Variants in THRB observed in about 807,000 individuals in gnomAD.
The protein encoded by THRB is thyroid hormone receptor beta.
A neutral mutation model predicts 47.8 loss-of-function variants in THRB; 12 were observed. That is an observed-to-expected ratio of 0.25 (90% confidence interval 0.16 to 0.41). The LOEUF (loss-of-function observed/expected upper bound fraction) is 0.41, where lower values mean the gene tolerates loss of function less well. Ranked by LOEUF, THRB falls within the 10% of genes least tolerant of loss-of-function variation. THRB has a pLI of 1.00. For missense variants in THRB, 348 were observed against 589.2 expected, an observed-to-expected ratio of 0.59 and a Z score of 4.24; for synonymous variants, 218 against 212.2, an observed-to-expected ratio of 1.03 and a Z score of -0.24.
intron 1 of THRB, among the ~76,000 whole-genome samples, chr3:24,437,111 T>TAC (rs2071043229): frequency 1.4e-5 from 2 of 147,100 alleles, no homozygotes. Context: ...TATATATATA[T>TAC]ACATACATAT....
intron 1 of THRB, among the ~76,000 whole-genome samples, chr3:24,347,040 C>T (rs1224462417): frequency 6.6e-6 from 1 of 151,884 alleles, no homozygotes; most frequent in Non-Finnish European, 1.5e-5. Context: ...AAAAATCAAA[C>T]ATAAGATGTT....
chr3:24,166,713 C>T (rs1367203347), intron 5 of THRB, among the ~76,000 whole-genome samples: 1 of 152,136 alleles, frequency 6.6e-6, no homozygotes, highest in Non-Finnish European at 1.5e-5. Context: ...GTTTTCAGGG[C>T]TCGGCCTCAG....
At chr3:24,182,482 T>G (rs375967324) in intron 5 of THRB, among the ~76,000 whole-genome samples, 13 of 152,314 alleles carry the variant, frequency 8.5e-5, no homozygotes, top group African/African-American at 3.1e-4. Flanking sequence ...CTGTTCTGCC[T>G]GCGTCCGTAA....
At chr3:24,286,697 G>A (rs1479892297) in intron 3 of THRB, among the ~76,000 whole-genome samples, 1 of 152,138 alleles carries the variant, frequency 6.6e-6, no homozygotes, top group African/African-American at 2.4e-5. Context: ...TCAAAGCCCA[G>A]TAACCATAGT....
chr3:24,317,631 C>CAAAAA (rs796777965), intron 2 of THRB, among the ~76,000 whole-genome samples: 3 of 152,010 alleles, frequency 2.0e-5, no homozygotes, highest in Non-Finnish European at 4.4e-5. Context: ...CAACACAACA[C>CAAAAA]AACAAAACAA....
At chr3:24,206,968 A>C (rs1372056691) in intron 4 of THRB, among the ~76,000 whole-genome samples, 1 of 152,192 alleles carries the variant, frequency 6.6e-6, no homozygotes, top group Non-Finnish European at 1.5e-5. Context: ...CCCTGAATAG[A>C]CCAATAACAG....
intron 8 of THRB, among the ~76,000 whole-genome samples, chr3:24,136,959 A>G (rs573316782): frequency 3.5e-4 from 54 of 152,142 alleles, no homozygotes; most frequent in African/African-American, 1.3e-3. Flanking sequence ...TCTTTTCCAA[A>G]TCCTATTTTC....
intron 4 of THRB, among the ~76,000 whole-genome samples, chr3:24,227,425 C>G (rs894834176): frequency 2.0e-5 from 3 of 152,090 alleles, no homozygotes; most frequent in Non-Finnish European, 4.4e-5. Flanking sequence ...GAGAATTTGA[C>G]CTAGTTGGCA....
intron 1 of THRB, among the ~76,000 whole-genome samples, chr3:24,364,151 A>G (rs2064282453): frequency 6.6e-6 from 1 of 152,186 alleles, no homozygotes; most frequent in Non-Finnish European, 1.5e-5. Flanking sequence ...TACACGGCAA[A>G]CCAATATGGA....
intron 1 of THRB, among the ~76,000 whole-genome samples, chr3:24,395,251 C>A (rs2066873056): frequency 6.6e-6 from 1 of 151,912 alleles, no homozygotes; most frequent in South Asian, 2.1e-4. Flanking sequence ...GCACAAGCAA[C>A]AAAGAAAATA....
At chr3:24,358,527 G>A (rs2063843796) in intron 1 of THRB, among the ~76,000 whole-genome samples, 1 of 152,060 alleles carries the variant, frequency 6.6e-6, no homozygotes, top group Admixed American at 6.6e-5. Context: ...AAAGAATAAT[G>A]CATCCTTTTC....
chr3:24,240,412 A>G (rs905967035), intron 3 of THRB, among the ~76,000 whole-genome samples: 2 of 152,190 alleles, frequency 1.3e-5, no homozygotes, highest in Non-Finnish European at 2.9e-5. Flanking sequence ...CAGCCCTTAT[A>G]TAATCTGAGA....
intron 3 of THRB, among the ~76,000 whole-genome samples, chr3:24,269,547 T>A (rs2053101858): frequency 6.6e-6 from 1 of 151,946 alleles, no homozygotes; most frequent in African/African-American, 2.4e-5. Flanking sequence ...TGCTTCAGCC[T>A]CCCAAGTAGC....
At chr3:24,329,427 C>T (rs979089471) in intron 2 of THRB, among the ~76,000 whole-genome samples, 1 of 152,226 alleles carries the variant, frequency 6.6e-6, no homozygotes. Context: ...TGACTCCATG[C>T]CCCCAATTCA....
At chr3:24,227,572 A>G (rs1327944512) in intron 4 of THRB, among the ~76,000 whole-genome samples, 1 of 152,170 alleles carries the variant, frequency 6.6e-6, no homozygotes, top group Non-Finnish European at 1.5e-5. Flanking sequence ...TTGCTATATC[A>G]GGAGCTCCAG....
At chr3:24,182,879 G>C (rs192319871) in intron 5 of THRB, among the ~76,000 whole-genome samples, 108 of 152,308 alleles carry the variant, frequency 7.1e-4, no homozygotes, top group African/African-American at 2.6e-3. Context: ...CAGTAGAGCA[G>C]TATTTCCTCT....
At chr3:24,174,090 A>G (rs1365786891) in intron 5 of THRB, among the ~76,000 whole-genome samples, 3 of 152,184 alleles carry the variant, frequency 2.0e-5, no homozygotes, top group Non-Finnish European at 4.4e-5. Flanking sequence ...TTACATAGGT[A>G]TACGTGTGCC....
chr3:24,184,872 T>G (rs532055057), intron 5 of THRB, among the ~76,000 whole-genome samples: 2 of 152,318 alleles, frequency 1.3e-5, no homozygotes, highest in African/African-American at 4.8e-5. Flanking sequence ...AAAATACTCA[T>G]TCACCTGGAG....
intron 1 of THRB, among the ~76,000 whole-genome samples, chr3:24,364,912 A>G (rs2064345229): frequency 6.6e-6 from 1 of 152,198 alleles, no homozygotes; most frequent in Non-Finnish European, 1.5e-5. Context: ...ATAAGATTTT[A>G]GCTCATAGAC....
Sources: gnomAD v4.1 joint callset for allele counts (sites outside exome capture counted in the v4.1 genomes callset) on GRCh38, gnomAD v4.1.1 for gene constraint, MANE v1.5 for transcripts, NCBI Gene and HGNC (gene_info 2026-07-23, HGNC 2026-07-21) for gene names.